Variants in IFIT1 observed in about 807,000 individuals in gnomAD.
IFIT1 encodes the protein interferon induced protein with tetratricopeptide repeats 1, also known as antiviral innate immune response effector IFIT1.
In IFIT1, 1 loss-of-function variant was observed where a neutral mutation model predicts 2.5. The observed-to-expected ratio is 0.40, with a 90% CI of 0.14 to 1.92. The LOEUF is 1.92. Among genes scored for constraint, IFIT1 ranks in the 40% most tolerant of loss-of-function variants. The probability of loss-of-function intolerance (pLI) is 0.31; values close to 1 mark genes in which losing one functional copy is unlikely to be tolerated. For missense variants in IFIT1, 508 were observed against 557.8 expected (o/e 0.91, Z 0.90); for synonymous variants, 191 against 201.7 (o/e 0.95, Z 0.45).
rs1163072242 is a variant in IFIT1 at position 89,404,107 on chromosome 10, A to G, written c.*395A>G. The G allele has an allele frequency of 1.5e-4, 24 of 157,934 alleles. No individual in the cohort carries two copies. Among genetic ancestry groups the G allele is most frequent in the Admixed American group, 1.4e-3 (21 of 15,518 alleles). The allele number at this position is 157,934 out of a possible 1,614,324, so 9.8% of individuals were successfully genotyped here. Reference sequence around the variant, plus strand: ...ACCTTAAAAACTAAGTTTCCCAACCATGACAAGATGAGAGATCATTCACAC... The same window carrying G: ...ACCTTAAAAACTAAGTTTCCCAACCGTGACAAGATGAGAGATCATTCACAC... On this transcript the variant is annotated 3_prime_UTR_variant, in exon 2 of 2. Transcript: ENST00000371804.
At chr10:89,395,804 C>T (rs1276693792) in intron 1 of IFIT1, among the ~76,000 whole-genome samples, 4 of 149,694 alleles carry the variant, frequency 2.7e-5, no homozygotes. Context: ...CAGGAGAGAC[C>T]TCAAGACAAA....
At position 89,405,816 on chromosome 10, in the gene IFIT1, A is replaced by G. The variant is rs1050321169; in HGVS notation, c.*2104A>G. 2 of 152,194 alleles carry G rather than the reference A, an allele frequency of 1.3e-5. No individual in the cohort carries two copies. Among genetic ancestry groups the G allele is most frequent in the South Asian group, 2.1e-4 (1 of 4,836 alleles). The allele number at this position is 152,194 out of a possible 1,614,324, so 9.4% of individuals were successfully genotyped here. A position where few individuals can be genotyped will look rare whatever the true frequency, so the allele number is the denominator to read the frequency against. On this transcript the variant is annotated 3_prime_UTR_variant, in exon 2 of 2. Coordinates refer to ENST00000371804, the MANE Select transcript of IFIT1 (RefSeq NM_001548.5). ...GCCCCATCCGCAAATCCTTAATTTA[A>G]TAACATCTGCAAAGTCCCTTTTGCT...
In IFIT1 at chr10:89,405,191, T is replaced by A. The variant is rs150268989; in HGVS notation, c.*1479T>A. The stretch of plus-strand genomic sequence containing the variant: ...TTAATTTTAATTCAATGTGAAAGGG[T>A]TCCAAGGAGTTTATCTTGTTTTATG... On this transcript the variant is annotated 3_prime_UTR_variant, in exon 2 of 2. Transcript: ENST00000371804. The A allele has an allele frequency of 2.6e-5, 4 of 152,306 alleles. No individual in the cohort carries two copies. The highest frequency in any genetic ancestry group is 9.6e-5 in the African/African-American group (4 of 41,578). The allele number at this position is 152,306 out of a possible 1,614,324, so 9.4% of individuals were successfully genotyped here.
chr10:89,394,049 G>A (rs1282618870), intron 1 of IFIT1, among the ~76,000 whole-genome samples: 3 of 152,162 alleles, frequency 2.0e-5, no homozygotes, highest in African/African-American at 4.8e-5. Context: ...GTCATGCATC[G>A]TGTAACAATG....
intron 1 of IFIT1, among the ~76,000 whole-genome samples, chr10:89,401,063 T>A (rs994013610): frequency 6.6e-6 from 1 of 152,142 alleles, no homozygotes; most frequent in Non-Finnish European, 1.5e-5. Context: ...TATATTACAT[T>A]GATTAATTTT....
chr10:89,402,351 T>G lies in IFIT1; in HGVS notation c.76T>G (p.Ser26Ala), dbSNP rs752740680. Residue 26 changes from serine to alanine, a missense_variant, in exon 2 of 2, where the codon TCC (serine) becomes GCC (alanine). By Grantham distance (99) the Ser-to-Ala change is moderately conservative (BLOSUM62 1). Transcript: ENST00000371804. ...QLRCHFTWELSIDDDEMPDLE... is the reference protein window; with the variant it reads ...QLRCHFTWELAIDDDEMPDLE... ...GAGATGTCACTTTACATGGGAGTTA[T>G]CCATTGATGACGATGAAATGCCTGA... The G allele has an allele frequency of 6.2e-7, 1 of 1,614,152 alleles. No homozygotes were observed. The highest frequency in any genetic ancestry group is 8.5e-7 in the Non-Finnish European group (1 of 1,179,970).
At chr10:89,401,906 A>T (rs1375169549) in intron 1 of IFIT1, among the ~76,000 whole-genome samples, 2 of 152,150 alleles carry the variant, frequency 1.3e-5, no homozygotes, top group Non-Finnish European at 2.9e-5. Flanking sequence ...TTTCTAACTG[A>T]CCTCTGTCCT....
rs144057304 is a variant in IFIT1 at position 89,402,263 on chromosome 10, C to A, written c.6-18C>A. 101 of 1,523,950 alleles carry A rather than the reference C, an allele frequency of 6.6e-5. No homozygotes were observed. The African/African-American group carries it at 1.1e-3, about 16-fold the overall frequency. 94.4% of individuals were successfully genotyped at this position (1,523,950 alleles called of 1,614,324 possible). ...CTGTTCCTCACCTAACAAAGAAAATCTGTTTTTGTTTTTACAGTACAAATG... is the reference window on the plus strand; with the variant it reads ...CTGTTCCTCACCTAACAAAGAAAATATGTTTTTGTTTTTACAGTACAAATG... On this transcript the variant is annotated intron_variant, in intron 1 of 1. Coordinates refer to ENST00000371804, the MANE Select transcript of IFIT1 (RefSeq NM_001548.5).
chr10:89,404,751 T>G lies in IFIT1; in HGVS notation c.*1039T>G, dbSNP rs1844501931. ...AGGCAGATCACCTGAACCCAGGAGT[T>G]CGAGAGCAGCCTTGGCAATGGCAAA... is the stretch of plus-strand genomic sequence containing the variant. On this transcript the variant is annotated 3_prime_UTR_variant, in exon 2 of 2. Coordinates refer to ENST00000371804, the MANE Select transcript of IFIT1 (RefSeq NM_001548.5). 1 of 152,188 alleles carries G rather than the reference T, an allele frequency of 6.6e-6. No homozygotes were observed. The highest frequency in any genetic ancestry group is 1.5e-5 in the Non-Finnish European group (1 of 68,082). 9.4% of individuals were successfully genotyped at this position (152,188 alleles called of 1,614,324 possible). A position where few individuals can be genotyped will look rare whatever the true frequency, so the allele number is the denominator to read the frequency against.
intron 1 of IFIT1, among the ~76,000 whole-genome samples, chr10:89,396,884 A>C (rs1167327123): frequency 6.6e-6 from 1 of 152,160 alleles, no homozygotes; most frequent in Non-Finnish European, 1.5e-5. Flanking sequence ...TTCTTTGGAG[A>C]ATTGTCTACT....
At chr10:89,396,250 C>A (rs1844340886) in intron 1 of IFIT1, among the ~76,000 whole-genome samples, 1 of 152,184 alleles carries the variant, frequency 6.6e-6, no homozygotes, top group Non-Finnish European at 1.5e-5. Flanking sequence ...TCTCCACATC[C>A]TTATTGCCTT....
chr10:89,392,801 T>A, intron 1 of IFIT1, 84 bp downstream of exon 1: 1 of 1,392,794 alleles, frequency 7.2e-7, no homozygotes, highest in Non-Finnish European at 1.0e-6. Flanking sequence ...AGGTTAGATC[T>A]CAGTGAGGTC....
intron 1 of IFIT1, chr10:89,393,198 G>T: frequency 7.8e-7 from 1 of 1,290,024 alleles, no homozygotes; most frequent in Non-Finnish European, 1.0e-6. Context: ...ATACAGTGGA[G>T]ATGTGGTAGG....
intron 1 of IFIT1, among the ~76,000 whole-genome samples, chr10:89,398,753 A>G (rs1010066464): frequency 6.6e-6 from 1 of 152,172 alleles, no homozygotes; most frequent in Non-Finnish European, 1.5e-5. Flanking sequence ...TGTATATACC[A>G]CATTTTGTTT....
At chr10:89,402,257 G>C (rs781267375) in intron 1 of IFIT1, 24 bp from the exon 2 acceptor site, 28 of 1,506,434 alleles carry the variant, frequency 1.9e-5, no homozygotes, top group Non-Finnish European at 9.0e-7. Flanking sequence ...ACCTAACAAA[G>C]AAAATCTGTT....
intron 1 of IFIT1, among the ~76,000 whole-genome samples, chr10:89,394,247 C>T (rs1844300680): frequency 6.6e-6 from 1 of 152,100 alleles, no homozygotes; most frequent in East Asian, 1.9e-4. Context: ...ACATAGAGTA[C>T]AGCAAAATTG....
Position 89,403,483 on chromosome 10 carries a change from T to G in IFIT1, c.1208T>G (p.Leu403Ter). The change falls in exon 2 of 2, where the codon TTA (leucine) becomes TGA (stop). Residue 403 changes from leucine to a stop codon, truncating the protein, a stop_gained. Transcript: ENST00000371804. LOFTEE classifies it low-confidence loss of function (END_TRUNC). The part of the protein sequence containing the change: ...KSDVNAIIHY[L>*]KAIKIEQASL... ...GACGTCAATGCAATTATCCATTATT[T>G]AAAAGCTATAAAAATAGAACAGGCA... The G allele has an allele frequency of 6.2e-7, 1 of 1,612,102 alleles. No homozygotes were observed. The highest frequency in any genetic ancestry group is 8.5e-7 in the Non-Finnish European group (1 of 1,179,140).
rs1213707766 is a variant in IFIT1 at position 89,402,510 on chromosome 10, G to C, written c.235G>C (p.Glu79Gln). Residue 79 changes from glutamate to glutamine, a missense_variant, in exon 2 of 2, where the codon GAA becomes CAA. Coordinates refer to ENST00000371804, the MANE Select transcript of IFIT1 (RefSeq NM_001548.5). ...EEALKSLKEAENLMQEEHDNQ... is the reference protein window; with the variant it reads ...EEALKSLKEAQNLMQEEHDNQ... Reference sequence around the variant, plus strand: ...AGCCCTGAAGAGCTTAAAAGAAGCTGAAAACTTAATGCAGGAAGAACATGA... The same window carrying C: ...AGCCCTGAAGAGCTTAAAAGAAGCTCAAAACTTAATGCAGGAAGAACATGA... 26 of 1,614,072 alleles carry C rather than the reference G, an allele frequency of 1.6e-5. No individual in the cohort carries two copies. Among genetic ancestry groups the C allele is most frequent in the Non-Finnish European group, 2.2e-5 (26 of 1,180,034 alleles).
chr10:89,398,210 C>CT (rs1236997165), intron 1 of IFIT1, among the ~76,000 whole-genome samples: 1 of 152,192 alleles, frequency 6.6e-6, no homozygotes, highest in East Asian at 1.9e-4. Context: ...TTCTATAACT[C>CT]TGAGGCAGAG....
Sources: allele counts gnomAD v4.1 joint callset (sites outside exome capture counted in the v4.1 genomes callset), GRCh38; gene constraint gnomAD v4.1.1; transcripts MANE v1.5; gene names NCBI Gene and HGNC (gene_info 2026-07-23, HGNC 2026-07-21).